Variants in NRG3 observed in about 807,000 individuals in gnomAD.
NRG3 encodes pro-neuregulin-3, membrane-bound isoform.
In NRG3, 31 loss-of-function variants were observed where a neutral mutation model predicts 66.9. The ratio of observed to expected loss-of-function variants is 0.46; its 90% CI spans 0.35 to 0.63. The LOEUF is 0.63. Among genes scored for constraint, NRG3 ranks in the 20% least tolerant of loss-of-function variants. The probability of loss-of-function intolerance (pLI) is 0.00; values close to 1 mark genes in which losing one functional copy is unlikely to be tolerated. For missense variants in NRG3, 910 were observed against 878.9 expected (o/e 1.04, Z -0.45); for synonymous variants, 393 against 359.4 (o/e 1.09, Z -1.06).
chr10:82,072,601 G>A (rs1220324181), intron 1 of NRG3, among the ~76,000 whole-genome samples: 1 of 152,022 alleles, frequency 6.6e-6, no homozygotes, highest in East Asian at 1.9e-4. Flanking sequence ...TACACAGAGA[G>A]TATGTTGGTA....
intron 2 of NRG3, among the ~76,000 whole-genome samples, chr10:82,556,196 AT>A (rs557947506): frequency 0.011 from 1,685 of 151,372 alleles, 17 homozygotes; most frequent in Middle Eastern, 0.068. Flanking sequence ...CTTGAAGCCT[AT>A]TTTTTTTTCT....
At chr10:82,640,045 G>C (rs1369148231) in intron 2 of NRG3, among the ~76,000 whole-genome samples, 2 of 152,088 alleles carry the variant, frequency 1.3e-5, no homozygotes, top group Non-Finnish European at 2.9e-5. Flanking sequence ...TCCCGTGTTA[G>C]TTTGCTAGGG....
intron 2 of NRG3, among the ~76,000 whole-genome samples, chr10:82,715,949 T>C (rs1216197365): frequency 6.6e-6 from 1 of 152,080 alleles, no homozygotes; most frequent in Non-Finnish European, 1.5e-5. Context: ...TTCTTATAAG[T>C]GGATAAATCA....
chr10:82,466,387 C>A (rs527554017), intron 2 of NRG3, among the ~76,000 whole-genome samples: 1 of 152,210 alleles, frequency 6.6e-6, no homozygotes, highest in Non-Finnish European at 1.5e-5. Flanking sequence ...CCTTCTTTGG[C>A]TTTTTGATGG....
intron 2 of NRG3, among the ~76,000 whole-genome samples, chr10:82,408,980 A>G (rs1270100708): frequency 6.6e-6 from 1 of 152,208 alleles, no homozygotes; most frequent in Non-Finnish European, 1.5e-5. Context: ...CATTATGCTT[A>G]GACTGGCACA....
rs945419857 is a variant in NRG3, at chr10:82,349,937, C to T, written c.824-8802C>T. Among the ~76,000 whole-genome samples the T allele has an allele frequency of 1.3e-3, 205 of 152,218 alleles. 1 individual carries two copies. Among genetic ancestry groups the T allele is most frequent in the Non-Finnish European group, 1.6e-3 (109 of 68,016 alleles). On this transcript the variant is annotated intron_variant, in intron 1 of 8. Transcript: ENST00000372141. ...CCTGCTTCGGCTCGCGCACGGTGCGCGCACCCACTGACCTGCGCCCACTGT... is the reference window on the plus strand; with the variant it reads ...CCTGCTTCGGCTCGCGCACGGTGCGTGCACCCACTGACCTGCGCCCACTGT...
At chr10:82,003,639 G>A (rs2061259762) in intron 1 of NRG3, among the ~76,000 whole-genome samples, 1 of 152,200 alleles carries the variant, frequency 6.6e-6, no homozygotes, top group Admixed American at 6.5e-5. Context: ...TGCTTGGAAT[G>A]TGTCCATTAG....
intron 2 of NRG3, among the ~76,000 whole-genome samples, chr10:82,663,563 TA>T (rs1241431225): frequency 2.0e-5 from 3 of 151,834 alleles, no homozygotes; most frequent in Admixed American, 6.6e-5. Context: ...CAACAGGGAG[TA>T]AAAAAGATGG....
chr10:82,815,481 C>G (rs1169648647), intron 3 of NRG3, among the ~76,000 whole-genome samples: 4 of 152,120 alleles, frequency 2.6e-5, no homozygotes, highest in African/African-American at 9.7e-5. Flanking sequence ...ACCTAAATTT[C>G]CTCAAAAATT....
intron 2 of NRG3, among the ~76,000 whole-genome samples, chr10:82,515,164 T>C (rs533949442): frequency 6.6e-5 from 10 of 152,238 alleles, no homozygotes; most frequent in Non-Finnish European, 1.2e-4. Context: ...GAAAACTATA[T>C]GATGTAAGTT....
At chr10:82,473,032 C>T (rs1050098144) in intron 2 of NRG3, among the ~76,000 whole-genome samples, 8 of 152,184 alleles carry the variant, frequency 5.3e-5, no homozygotes, top group African/African-American at 1.9e-4. Context: ...AAACAGCCTG[C>T]TAACATAACA....
chr10:82,309,167 G>A (rs1474105361), intron 1 of NRG3, among the ~76,000 whole-genome samples: 3 of 152,174 alleles, frequency 2.0e-5, no homozygotes, highest in African/African-American at 4.8e-5. Flanking sequence ...TCTGAATAGA[G>A]AAGCTTTCGG....
At chr10:82,844,514 G>C (rs963273662) in intron 3 of NRG3, among the ~76,000 whole-genome samples, 6 of 152,046 alleles carry the variant, frequency 3.9e-5, no homozygotes, top group Non-Finnish European at 8.8e-5. Context: ...CTAGTTATAT[G>C]ATCTTGGACA....
chr10:82,414,689 A>G (rs1403486017), intron 2 of NRG3, among the ~76,000 whole-genome samples: 1 of 152,218 alleles, frequency 6.6e-6, no homozygotes, highest in Non-Finnish European at 1.5e-5. Flanking sequence ...ATATGGTTAT[A>G]TCAATCAGGG....
chr10:81,976,873 G>A (rs1220884226), intron 1 of NRG3, among the ~76,000 whole-genome samples: 1 of 152,124 alleles, frequency 6.6e-6, no homozygotes, highest in African/African-American at 2.4e-5. Context: ...AAATAAAAAT[G>A]AAGAGCATCT....
At chr10:82,534,192 G>A (rs1847583335) in intron 2 of NRG3, among the ~76,000 whole-genome samples, 1 of 151,480 alleles carries the variant, frequency 6.6e-6, no homozygotes, top group African/African-American at 2.4e-5. Flanking sequence ...ACTACCCAAA[G>A]CAATCTACAA....
chr10:82,103,289 A>G (rs1480631196), intron 1 of NRG3, among the ~76,000 whole-genome samples: 1 of 152,072 alleles, frequency 6.6e-6, no homozygotes, highest in East Asian at 1.9e-4. Flanking sequence ...TATTCTTTGT[A>G]TAGAATCTAT....
At position 82,266,584 on chromosome 10, in the gene NRG3, C is replaced by A. The variant is rs140384780; in HGVS notation, c.824-92155C>A. Among the ~76,000 whole-genome samples the A allele has an allele frequency of 4.7e-3, 722 of 152,236 alleles. 1 individual carries two copies. Among genetic ancestry groups the A allele is most frequent in the Non-Finnish European group, 7.3e-3 (499 of 68,024 alleles). ...AAGACTGTTCAACTATGTCTCATTA[C>A]TAAAGGTAGACAGAATCACTTGGGA... On this transcript the variant is annotated intron_variant, in intron 1 of 8. Coordinates refer to ENST00000372141, the MANE Select transcript of NRG3 (RefSeq NM_001010848.4).
chr10:82,643,295 C>G (rs1310539653), intron 2 of NRG3, among the ~76,000 whole-genome samples: 1 of 152,052 alleles, frequency 6.6e-6, no homozygotes. Context: ...CTAATGAGAT[C>G]TGATGGTTTT....
Sources: gnomAD v4.1 joint callset for allele counts (sites outside exome capture counted in the v4.1 genomes callset) on GRCh38, gnomAD v4.1.1 for gene constraint, MANE v1.5 for transcripts, NCBI Gene and HGNC (gene_info 2026-07-23, HGNC 2026-07-21) for gene names.